The following FHIT variants were observed in gnomAD, a reference collection of about 807,000 sequenced individuals.
FHIT encodes bis(5'-adenosyl)-triphosphatase.
A neutral mutation model predicts 17.9 loss-of-function variants in FHIT; 19 were observed. That is an observed-to-expected ratio of 1.06 (90% CI 0.74 to 1.56). The LOEUF (loss-of-function observed/expected upper bound fraction) is 1.56. Among genes scored for constraint, FHIT ranks in the 40% most tolerant of loss-of-function variants. The pLI is 0.00. For missense variants in FHIT, 248 were observed against 189.2 expected (o/e 1.31, Z -1.82); for synonymous variants, 81 against 69.7 (o/e 1.16, Z -0.81).
At chr3:60,102,931 G>A (rs913634518) in intron 5 of FHIT, among the ~76,000 whole-genome samples, 4 of 152,176 alleles carry the variant, frequency 2.6e-5, no homozygotes, top group Non-Finnish European at 5.9e-5. Flanking sequence ...ATGCATTTGC[G>A]AAGGTGCCAT....
chr3:60,916,214 C>T (rs782027780), intron 3 of FHIT, among the ~76,000 whole-genome samples: 12 of 152,024 alleles, frequency 7.9e-5, no homozygotes, highest in Non-Finnish European at 1.3e-4. Flanking sequence ...AATGCCATGG[C>T]GAATATTTTT....
At chr3:60,261,875 C>A (rs996918415) in intron 5 of FHIT, among the ~76,000 whole-genome samples, 3 of 151,988 alleles carry the variant, frequency 2.0e-5, no homozygotes, top group Non-Finnish European at 2.9e-5. Flanking sequence ...AAAGGAACAT[C>A]TCTGTCTCTC....
chr3:60,875,931 G>GTGTA (rs1475288073), intron 3 of FHIT, among the ~76,000 whole-genome samples: 2 of 149,582 alleles, frequency 1.3e-5, no homozygotes, highest in Admixed American at 1.3e-4. Context: ...TCATGTGTGT[G>GTGTA]TGTGTGTGTG....
At chr3:59,840,424 A>G (rs1479433598) in intron 8 of FHIT, among the ~76,000 whole-genome samples, 1 of 151,104 alleles carries the variant, frequency 6.6e-6, no homozygotes, top group Non-Finnish European at 1.5e-5. Flanking sequence ...GAAACCATCT[A>G]TCAAAATTTC....
chr3:60,206,976 C>G (rs1007739360), intron 5 of FHIT, among the ~76,000 whole-genome samples: 1 of 152,070 alleles, frequency 6.6e-6, no homozygotes, highest in South Asian at 2.1e-4. Flanking sequence ...CTAGACCCAC[C>G]TCAAAAGGAT....
At chr3:60,173,613 T>A (rs1435990380) in intron 5 of FHIT, among the ~76,000 whole-genome samples, 71 of 151,800 alleles carry the variant, frequency 4.7e-4, no homozygotes, top group East Asian at 7.9e-4. Flanking sequence ...TGTGGGAAGG[T>A]GAGGCCTAGG....
At chr3:60,788,361 G>C (rs1053769141) in intron 4 of FHIT, among the ~76,000 whole-genome samples, 2 of 151,936 alleles carry the variant, frequency 1.3e-5, no homozygotes, top group African/African-American at 4.8e-5. Flanking sequence ...TAGGGGCAAT[G>C]GTTCATTATT....
At chr3:60,685,832 T>C (rs1268832388) in intron 4 of FHIT, among the ~76,000 whole-genome samples, 1 of 152,206 alleles carries the variant, frequency 6.6e-6, no homozygotes, top group East Asian at 1.9e-4. Context: ...AATGATGCTA[T>C]AGTTTTTACT....
chr3:60,448,115 C>A (rs1421090318), intron 5 of FHIT, among the ~76,000 whole-genome samples: 1 of 152,102 alleles, frequency 6.6e-6, no homozygotes, highest in African/African-American at 2.4e-5. Context: ...TGGATACTGA[C>A]CTCAATTGCT....
chr3:60,571,788 G>C (rs1296450415), intron 4 of FHIT, among the ~76,000 whole-genome samples: 1 of 152,108 alleles, frequency 6.6e-6, no homozygotes, highest in African/African-American at 2.4e-5. Context: ...ACAAAATGCA[G>C]AACAGATCCA....
chr3:61,036,457 G>T (rs1249602313), intron 3 of FHIT, among the ~76,000 whole-genome samples: 2 of 152,076 alleles, frequency 1.3e-5, no homozygotes, highest in African/African-American at 2.4e-5. Context: ...CTATCCAAGG[G>T]CACTTCAAAT....
At chr3:60,224,868 G>A (rs567378732) in intron 5 of FHIT, among the ~76,000 whole-genome samples, 87 of 151,996 alleles carry the variant, frequency 5.7e-4, no homozygotes, top group African/African-American at 2.0e-3. Context: ...TTACAGGCAT[G>A]CACCACCATG....
At chr3:61,219,592 G>A (rs905070288) in intron 1 of FHIT, among the ~76,000 whole-genome samples, 2 of 151,914 alleles carry the variant, frequency 1.3e-5, no homozygotes, top group African/African-American at 2.4e-5. Context: ...TGCCTAATTC[G>A]TCCATATTTT....
intron 3 of FHIT, among the ~76,000 whole-genome samples, chr3:61,024,536 T>G (rs1004718512): frequency 1.3e-5 from 2 of 152,132 alleles, no homozygotes; most frequent in African/African-American, 4.8e-5. Flanking sequence ...AAAAATTCTA[T>G]ATAATTATAG....
intron 7 of FHIT, among the ~76,000 whole-genome samples, chr3:59,928,750 A>G (rs1382963965): frequency 6.6e-6 from 1 of 152,272 alleles, no homozygotes; most frequent in Admixed American, 6.5e-5. Context: ...TAATCCCAGC[A>G]CTTTGGGAGG....
intron 5 of FHIT, among the ~76,000 whole-genome samples, chr3:60,091,106 T>C (rs1363512371): frequency 6.6e-6 from 1 of 152,164 alleles, no homozygotes; most frequent in African/African-American, 2.4e-5. Context: ...GTAGCTTACT[T>C]TGTAAGGGGA....
At chr3:60,635,080 G>C (rs930009664) in intron 4 of FHIT, among the ~76,000 whole-genome samples, 2 of 141,682 alleles carry the variant, frequency 1.4e-5, no homozygotes, top group Non-Finnish European at 3.2e-5. Flanking sequence ...AGCACCCTAA[G>C]AGCAGGATAA....
intron 3 of FHIT, among the ~76,000 whole-genome samples, chr3:61,024,314 C>T (rs1216464186): frequency 6.6e-6 from 1 of 152,028 alleles, no homozygotes; most frequent in Non-Finnish European, 1.5e-5. Flanking sequence ...CTGTTTTCCC[C>T]CCTTCTCCCC....
chr3:60,180,218 G>T (rs1701866578), intron 5 of FHIT, among the ~76,000 whole-genome samples: 1 of 152,130 alleles, frequency 6.6e-6, no homozygotes, highest in South Asian at 2.1e-4. Flanking sequence ...GAAGATCACG[G>T]GCAGCAAAGT....
Sources: gnomAD v4.1 joint callset for allele counts (sites outside exome capture counted in the v4.1 genomes callset) on GRCh38, gnomAD v4.1.1 for gene constraint, MANE v1.5 for transcripts, NCBI Gene and HGNC (gene_info 2026-07-23, HGNC 2026-07-21) for gene names.